HOMER2: variants seen among roughly 807,000 people sequenced by gnomAD.
HOMER2 encodes homer protein homolog 2.
In HOMER2, 27 loss-of-function variants were observed where a neutral mutation model predicts 47.0. The observed-to-expected ratio is 0.57, with a 90% confidence interval of 0.42 to 0.79. HOMER2 has a LOEUF of 0.79. HOMER2 is among the 30% of genes least tolerant of loss of function. The probability of loss-of-function intolerance (pLI) is 0.00; values close to 1 mark genes in which losing one functional copy is unlikely to be tolerated. For missense variants in HOMER2, 443 were observed against 435.0 expected, an observed-to-expected ratio of 1.02 and a Z score of -0.16; for synonymous variants, 161 against 163.8, an observed-to-expected ratio of 0.98 and a Z score of 0.13.
intron 2 of HOMER2, among the ~76,000 whole-genome samples, chr15:82,882,063 T>C (rs1260844241): frequency 2.6e-5 from 4 of 152,190 alleles, no homozygotes. Context: ...TATAATGGAG[T>C]TGGCCGTTCT....
chr15:82,841,898 G>T (rs2051179578), exon 2 of HOMER2: 2 of 152,196 alleles, frequency 1.3e-5, no homozygotes, highest in Admixed American at 1.3e-4. Flanking sequence ...CAGCAGAAGG[G>T]TTGTCTCATA....
downstream of HOMER2, chr15:82,845,211 T>C (rs2051222151): frequency 1.4e-5 from 2 of 138,876 alleles, no homozygotes. Flanking sequence ...CCCCTTTTGC[T>C]GTTTCTTCAC....
chr15:82,947,775 C>A (rs1309288874), intron 1 of HOMER2, among the ~76,000 whole-genome samples: 1 of 152,168 alleles, frequency 6.6e-6, no homozygotes, highest in African/African-American at 2.4e-5. Context: ...AGGCTGCCCA[C>A]AACATTCAAG....
intron 1 of HOMER2, among the ~76,000 whole-genome samples, chr15:82,916,950 C>G (rs1333150320): frequency 6.6e-6 from 1 of 152,114 alleles, no homozygotes; most frequent in African/African-American, 2.4e-5. Context: ...TACAGGCGCA[C>G]GCCACAATGT....
At chr15:82,982,915 G>A (rs897658651) in intron 1 of HOMER2, among the ~76,000 whole-genome samples, 3 of 152,048 alleles carry the variant, frequency 2.0e-5, no homozygotes, top group Non-Finnish European at 4.4e-5. Flanking sequence ...GGCCTTGGTC[G>A]CCTTCTCTTC....
At chr15:82,906,433 CT>C (rs1185595370) in intron 1 of HOMER2, among the ~76,000 whole-genome samples, 284 of 141,044 alleles carry the variant, frequency 2.0e-3, no homozygotes, top group East Asian at 3.3e-3. Context: ...AAGAAATCCA[CT>C]TTTTTTTTTT....
intron 3 of HOMER2, among the ~76,000 whole-genome samples, chr15:82,866,220 C>T (rs1357441986): frequency 6.6e-6 from 1 of 151,976 alleles, no homozygotes; most frequent in East Asian, 1.9e-4. Flanking sequence ...GGATGTGAGA[C>T]ATGGATTAAA....
chr15:82,964,878 G>A (rs889219827), intron 1 of HOMER2, among the ~76,000 whole-genome samples: 11 of 152,218 alleles, frequency 7.2e-5, no homozygotes, highest in Non-Finnish European at 1.3e-4. Flanking sequence ...CAAGTGTTAT[G>A]CAGCAGGAAA....
intron 1 of HOMER2, among the ~76,000 whole-genome samples, chr15:82,983,257 C>T (rs1319775528): frequency 1.3e-5 from 2 of 152,198 alleles, no homozygotes; most frequent in Non-Finnish European, 2.9e-5. Context: ...CCACTGAATG[C>T]ACATGGTACC....
intron 3 of HOMER2, among the ~76,000 whole-genome samples, chr15:82,867,597 G>A (rs74837553): frequency 0.031 from 4,749 of 152,130 alleles, 229 homozygotes; most frequent in African/African-American, 0.11. Flanking sequence ...TCAAAATAAC[G>A]AGGTACCATT....
chr15:82,874,196 G>T (rs1292993051), intron 3 of HOMER2, among the ~76,000 whole-genome samples: 1 of 152,212 alleles, frequency 6.6e-6, no homozygotes, highest in Non-Finnish European at 1.5e-5. Flanking sequence ...CAGCCAGTCA[G>T]TCAGATGTTC....
chr15:82,871,113 C>G (rs1425048394), intron 3 of HOMER2, among the ~76,000 whole-genome samples: 1 of 152,214 alleles, frequency 6.6e-6, no homozygotes, highest in African/African-American at 2.4e-5. Context: ...AGTGGGTGGA[C>G]AGACGAGTCC....
chr15:82,963,146 G>A (rs990833051), intron 1 of HOMER2, among the ~76,000 whole-genome samples: 2 of 152,124 alleles, frequency 1.3e-5, no homozygotes, highest in East Asian at 1.9e-4. Flanking sequence ...GTGTAGTGGT[G>A]CAATCATAGC....
intron 1 of HOMER2, among the ~76,000 whole-genome samples, chr15:82,938,828 T>C (rs543587287): frequency 6.6e-6 from 1 of 152,316 alleles, no homozygotes; most frequent in African/African-American, 2.4e-5. Context: ...TCCTCTAAGC[T>C]TTCTGAGGCC....
intron 3 of HOMER2, among the ~76,000 whole-genome samples, chr15:82,871,044 C>G (rs1022366144): frequency 2.6e-5 from 4 of 152,240 alleles, no homozygotes; most frequent in African/African-American, 9.6e-5. Context: ...TTCCTTTTAT[C>G]AGCACATGCA....
At chr15:82,869,733 C>T (rs1037389450) in intron 3 of HOMER2, among the ~76,000 whole-genome samples, 1 of 152,164 alleles carries the variant, frequency 6.6e-6, no homozygotes, top group African/African-American at 2.4e-5. Flanking sequence ...GCTCCGATTA[C>T]AGGCATGAGC....
At position 82,952,632 on chromosome 15, in the gene HOMER2, G is replaced by C; in HGVS notation, c.-97C>G. On this transcript the variant is annotated 5_prime_UTR_variant, in exon 1 of 9. Coordinates refer to ENST00000450735, the MANE Select transcript of HOMER2 (RefSeq NM_004839.4). ...CCCCGCGCGGCACATGCGGCGGCCC[G>C]TGCGCGCCCGGCTCAGCCCCGGCGC... is the stretch of plus-strand genomic sequence containing the variant. The C allele has an allele frequency of 2.9e-6, 3 of 1,032,644 alleles. No homozygotes were observed. The highest frequency in any genetic ancestry group is 3.5e-6 in the Non-Finnish European group (3 of 862,278). 64.0% of individuals were successfully genotyped at this position (1,032,644 alleles called of 1,614,324 possible).
intron 2 of HOMER2, among the ~76,000 whole-genome samples, chr15:82,881,986 C>A (rs1253873124): frequency 6.6e-6 from 1 of 152,152 alleles, no homozygotes; most frequent in Non-Finnish European, 1.5e-5. Flanking sequence ...GAAAGAGTGC[C>A]AACAGCACAA....
At chr15:82,852,086 C>T in intron 7 of HOMER2, 56 bp downstream of exon 7, 2 of 1,245,164 alleles carry the variant, frequency 1.6e-6, no homozygotes, top group Non-Finnish European at 2.3e-6. Context: ...TGCTGTGTGC[C>T]ACCCCGCAAG....
Sources: allele counts gnomAD v4.1 joint callset (sites outside exome capture counted in the v4.1 genomes callset), GRCh38; gene constraint gnomAD v4.1.1; transcripts MANE v1.5; gene names NCBI Gene and HGNC (gene_info 2026-07-23, HGNC 2026-07-21).